The following SETBP1 variants were observed in gnomAD, a reference collection of about 807,000 sequenced individuals.
The protein encoded by SETBP1 is SET-binding protein.
Under a neutral mutation model 101.0 loss-of-function variants are expected in SETBP1, and 9 were observed. That is an observed-to-expected ratio of 0.09 (90% CI 0.05 to 0.16). The LOEUF is 0.16. Among genes scored for constraint, SETBP1 ranks in the 10% least tolerant of loss-of-function variants. The pLI is 1.00. For missense variants in SETBP1, 1,858 were observed against 2,033.8 expected, an observed-to-expected ratio of 0.91 and a Z score of 1.66; for synonymous variants, 818 against 788.5, an observed-to-expected ratio of 1.04 and a Z score of -0.63.
At chr18:44,959,575 A>C (rs1006687609) in intron 4 of SETBP1, among the ~76,000 whole-genome samples, 5 of 152,178 alleles carry the variant, frequency 3.3e-5, no homozygotes, top group African/African-American at 1.2e-4. Flanking sequence ...GACCTCTATA[A>C]TTTAGGGGAA....
intron 2 of SETBP1, among the ~76,000 whole-genome samples, chr18:44,806,925 A>T (rs1026794413): frequency 6.6e-6 from 1 of 151,688 alleles, no homozygotes; most frequent in African/African-American, 2.4e-5. Flanking sequence ...TCATCTTTTA[A>T]TGTCTAACTT....
intron 3 of SETBP1, among the ~76,000 whole-genome samples, chr18:44,920,819 A>C (rs962251537): frequency 3.3e-5 from 5 of 151,624 alleles, no homozygotes; most frequent in Admixed American, 1.3e-4. Context: ...GTATACTGAT[A>C]GATTAATTAA....
intron 2 of SETBP1, among the ~76,000 whole-genome samples, chr18:44,820,121 G>T (rs937308532): frequency 2.6e-5 from 4 of 152,226 alleles, no homozygotes; most frequent in Admixed American, 2.6e-4. Flanking sequence ...TCAGTAGGGG[G>T]ACATTCCTCA....
In SETBP1 at chr18:44,963,158, AT is replaced by A. The variant is rs569841385; in HGVS notation, c.4000+9823del. Reference sequence around the variant, plus strand: ...TAGCATCCTCCCAACCCCCACTGCCATTTTTCCCACTATATTTCTTAAGTAT... The same window carrying A: ...TAGCATCCTCCCAACCCCCACTGCCATTTTCCCACTATATTTCTTAAGTAT... On this transcript the variant is annotated intron_variant, in intron 4 of 5. Transcript: ENST00000649279. Among the ~76,000 whole-genome samples, 15 of 152,182 alleles carry A rather than the reference AT, an allele frequency of 9.9e-5. No individual in the cohort carries two copies. The East Asian group carries it at 2.9e-3, about 29-fold the overall frequency.
chr18:44,906,892 A>G (rs547331637), intron 3 of SETBP1, among the ~76,000 whole-genome samples: 1 of 152,336 alleles, frequency 6.6e-6, no homozygotes, highest in South Asian at 2.1e-4. Context: ...CATAATATTC[A>G]TCTTTTAAAA....
rs1217531835 is a variant in SETBP1 at position 45,021,023 on chromosome 18, A to G, written c.4001-17462A>G. ...CTGCCCTTTCTTGGTTATTATACCA[A>G]TTCTTTTCATCTTTATCTTGTTTTG... is the stretch of plus-strand genomic sequence containing the variant. On this transcript the variant is annotated intron_variant, in intron 4 of 5. Coordinates refer to ENST00000649279, the MANE Select transcript of SETBP1 (RefSeq NM_015559.3). Among the ~76,000 whole-genome samples, 5 of 152,214 alleles carry G rather than the reference A, an allele frequency of 3.3e-5. No homozygotes were observed. In the South Asian group the frequency reaches 8.3e-4, roughly 25 times the overall value.
At chr18:44,829,667 G>A (rs1015311543) in intron 2 of SETBP1, among the ~76,000 whole-genome samples, 1 of 152,152 alleles carries the variant, frequency 6.6e-6, no homozygotes, top group Admixed American at 6.5e-5. Context: ...GAAATTAGTG[G>A]TCTGGTGCAA....
chr18:44,936,679 A>G (rs1302364337), intron 3 of SETBP1, among the ~76,000 whole-genome samples: 1 of 152,146 alleles, frequency 6.6e-6, no homozygotes, highest in African/African-American at 2.4e-5. Context: ...CTCGGATGCC[A>G]GCCAACACAG....
rs542998062 is a variant in SETBP1 at position 44,765,538 on chromosome 18, T to C, written c.486+63706T>C. On this transcript the variant is annotated intron_variant, in intron 2 of 5. Coordinates refer to ENST00000649279, the MANE Select transcript of SETBP1 (RefSeq NM_015559.3). ...GCAACTTCTCTGAGCCCTGTGGAAA[T>C]GGTATCCAGGCTACGGAATAATTAT... 2.0e-5 allele frequency among the ~76,000 whole-genome samples: 3 copies of C among 152,346 alleles called. No homozygotes were observed. In the East Asian group the frequency reaches 5.8e-4, roughly 29 times the overall value.
chr18:44,874,876 T>C (rs897618198), intron 3 of SETBP1, among the ~76,000 whole-genome samples: 2 of 152,186 alleles, frequency 1.3e-5, no homozygotes, highest in Non-Finnish European at 2.9e-5. Context: ...AGCTGCTTTT[T>C]AGGAAGGTAT....
At chr18:44,926,524 C>T in intron 3 of SETBP1, among the ~76,000 whole-genome samples, 1 of 152,112 alleles carries the variant, frequency 6.6e-6, no homozygotes, top group East Asian at 1.9e-4. Flanking sequence ...CTTCCTCGTG[C>T]CCCATCTCTT....
At chr18:44,927,685 A>G (rs1210968037) in intron 3 of SETBP1, among the ~76,000 whole-genome samples, 1 of 152,102 alleles carries the variant, frequency 6.6e-6, no homozygotes, top group Non-Finnish European at 1.5e-5. Flanking sequence ...CCTCCTCTTC[A>G]AAGCAGTTAT....
At chr18:44,684,089 T>C (rs1057422592) in intron 1 of SETBP1, among the ~76,000 whole-genome samples, 1 of 152,196 alleles carries the variant, frequency 6.6e-6, no homozygotes, top group African/African-American at 2.4e-5. Flanking sequence ...CACAGAGGTC[T>C]TGCTGCACAT....
chr18:44,845,042 GT>G (rs1730700264), intron 2 of SETBP1, among the ~76,000 whole-genome samples: 3 of 152,158 alleles, frequency 2.0e-5, no homozygotes, highest in Non-Finnish European at 2.9e-5. Context: ...TTTTGTTGTT[GT>G]TGTTTTGAGT....
chr18:44,998,557 G>A (rs1020667369), intron 4 of SETBP1, among the ~76,000 whole-genome samples: 5 of 152,308 alleles, frequency 3.3e-5, no homozygotes, highest in South Asian at 2.1e-4. Flanking sequence ...TGATCTCAAC[G>A]ACTGCCGTTC....
chr18:44,963,326 A>G (rs992520044), intron 4 of SETBP1, among the ~76,000 whole-genome samples: 2 of 152,176 alleles, frequency 1.3e-5, no homozygotes, highest in African/African-American at 4.8e-5. Flanking sequence ...TTACATACAA[A>G]GGGAGCTCTT....
At chr18:44,803,746 A>G (rs1345058282) in intron 2 of SETBP1, among the ~76,000 whole-genome samples, 1 of 151,672 alleles carries the variant, frequency 6.6e-6, no homozygotes, top group Non-Finnish European at 1.5e-5. Context: ...CATTCTTTAC[A>G]TTTCTTAATT....
At chr18:44,940,296 A>G (rs1182766098) in intron 3 of SETBP1, among the ~76,000 whole-genome samples, 1 of 151,976 alleles carries the variant, frequency 6.6e-6, no homozygotes, top group Non-Finnish European at 1.5e-5. Context: ...CATATAGTTC[A>G]GTTTTTCTTT....
chr18:44,811,323 A>C (rs2071858346), intron 2 of SETBP1, among the ~76,000 whole-genome samples: 1 of 152,218 alleles, frequency 6.6e-6, no homozygotes, highest in South Asian at 2.1e-4. Context: ...ACACATACAC[A>C]CGTGCTCACA....
Sources: gnomAD v4.1 joint callset for allele counts (sites outside exome capture counted in the v4.1 genomes callset) on GRCh38, gnomAD v4.1.1 for gene constraint, MANE v1.5 for transcripts, NCBI Gene and HGNC (gene_info 2026-07-23, HGNC 2026-07-21) for gene names.